The following TBXAS1 variants were observed in gnomAD, a reference collection of about 807,000 sequenced individuals.
The protein encoded by TBXAS1 is thromboxane A synthase 1, also known as thromboxane-A synthase.
A neutral mutation model predicts 60.7 loss-of-function variants in TBXAS1; 48 were observed. The observed-to-expected ratio is 0.79, with a 90% CI of 0.63 to 1.01. The LOEUF is 1.01. TBXAS1 is among the 50% of genes least tolerant of loss of function. TBXAS1 has a pLI of 0.00. For missense variants in TBXAS1, 685 were observed against 686.3 expected (o/e 1.00, Z 0.02); for synonymous variants, 287 against 269.7 (o/e 1.06, Z -0.63).
chr7:139,806,543 A>G (rs1309634061), intron 4 of TBXAS1, among the ~76,000 whole-genome samples: 3 of 152,080 alleles, frequency 2.0e-5, no homozygotes, highest in Non-Finnish European at 4.4e-5. Context: ...GATTGCAGGC[A>G]TGAGCCACCG....
At position 140,013,485 on chromosome 7, in the gene TBXAS1, G is replaced by A. The variant is rs1421963199; in HGVS notation, c.1227-2238G>A. Reference sequence around the variant, plus strand: ...GGTACAAGCTTAAGAGAGCCATGCCGGGATTTCAAGTTGCAAGGAAGAGAG... The same window carrying A: ...GGTACAAGCTTAAGAGAGCCATGCCAGGATTTCAAGTTGCAAGGAAGAGAG... On this transcript the variant is annotated intron_variant, in intron 10 of 12. Coordinates refer to ENST00000448866, the MANE Select transcript of TBXAS1 (RefSeq NM_001061.7). This position sits in a 1 kb window ranked among gnomAD's most constrained non-coding sequence, Gnocchi z 4.2. Among the ~76,000 whole-genome samples, 1 of 152,160 alleles carries A rather than the reference G, an allele frequency of 6.6e-6. No homozygotes were observed.
rs189144425 is a variant in TBXAS1, at chr7:139,934,658, C to T, written c.334-1533C>T. The stretch of plus-strand genomic sequence containing the variant: ...GTCAAGGTGTCAGCAGTGTTGGTTT[C>T]TCCGGAAGCCTCTCTCTTTGGCTTG... On this transcript the variant is annotated intron_variant, in intron 4 of 12. Transcript: ENST00000448866. Among the ~76,000 whole-genome samples the T allele has an allele frequency of 6.2e-3, 949 of 152,254 alleles. 13 individuals are homozygous for T. Among genetic ancestry groups the T allele is most frequent in the South Asian group, 0.039 (187 of 4,824 alleles).
At chr7:139,924,558 C>T (rs1806738390) in intron 4 of TBXAS1, among the ~76,000 whole-genome samples, 1 of 151,634 alleles carries the variant, frequency 6.6e-6, no homozygotes, top group African/African-American at 2.4e-5. Flanking sequence ...GGTTATTATT[C>T]CCTTGCCAGA....
chr7:139,888,503 GT>G (rs972649779), intron 3 of TBXAS1, among the ~76,000 whole-genome samples: 1 of 151,848 alleles, frequency 6.6e-6, no homozygotes, highest in African/African-American at 2.4e-5. Flanking sequence ...TTTCCTCTGG[GT>G]TTTTTTCCCA....
At position 139,885,370 on chromosome 7, in the gene TBXAS1, G is replaced by A. The variant is rs146297164; in HGVS notation, c.236+9733G>A. Among the ~76,000 whole-genome samples the A allele has an allele frequency of 2.7e-3, 417 of 152,242 alleles. 1 individual carries two copies. Among genetic ancestry groups the A allele is most frequent in the Admixed American group, 6.8e-3 (104 of 15,298 alleles). On this transcript the variant is annotated intron_variant, in intron 3 of 12. Transcript: ENST00000448866. Reference sequence around the variant, plus strand: ...AATAAATTCCACATTTAATTGAAGCGTACCTGCAACAAATCCAAGTTGTTC... The same window carrying A: ...AATAAATTCCACATTTAATTGAAGCATACCTGCAACAAATCCAAGTTGTTC...
At chr7:139,894,430 T>A (rs545905476) in intron 3 of TBXAS1, among the ~76,000 whole-genome samples, 2 of 152,154 alleles carry the variant, frequency 1.3e-5, no homozygotes, top group East Asian at 3.9e-4. Flanking sequence ...GGAGCCCTCA[T>A]TAACCCCCTG....
At chr7:139,858,576 A>G (rs1569502632) in intron 1 of TBXAS1, among the ~76,000 whole-genome samples, 1 of 152,210 alleles carries the variant, frequency 6.6e-6, no homozygotes, top group Non-Finnish European at 1.5e-5. Flanking sequence ...TGTAAGTGCC[A>G]CAGAGCAAGG....
At chr7:139,953,756 G>A (rs1480066036) in intron 6 of TBXAS1, among the ~76,000 whole-genome samples, 5 of 152,234 alleles carry the variant, frequency 3.3e-5, no homozygotes, top group African/African-American at 1.2e-4. Context: ...TGGGGGGAAA[G>A]TTCAAGCATT....
chr7:139,987,346 C>G (rs919853185), intron 9 of TBXAS1, among the ~76,000 whole-genome samples: 18 of 152,192 alleles, frequency 1.2e-4, no homozygotes, highest in African/African-American at 3.4e-4. Context: ...GGGTCTATTT[C>G]TATTCCCCCA....
At position 139,791,806 on chromosome 7, in the gene TBXAS1, T is replaced by G. The variant is rs1245815846; in HGVS notation, c.-80+4380T>G. 5.7e-5 allele frequency among the ~76,000 whole-genome samples: 6 copies of G among 105,566 alleles called. No individual in the cohort carries two copies. In the South Asian group the frequency reaches 1.4e-3, roughly 25 times the overall value. 69.3% of individuals were successfully genotyped at this position (105,566 alleles called of 152,430 possible). On this transcript the variant is annotated intron_variant, in intron 4 of 16. Transcript: ENST00000336425. ...TTTCTTTACATATCTTTGGAATGTT[T>G]TGTTTTTTTTTTTTTTTTCATTTCT...
intron 1 of TBXAS1, among the ~76,000 whole-genome samples, chr7:139,866,109 A>C (rs944806744): frequency 5.3e-5 from 8 of 152,222 alleles, no homozygotes; most frequent in Non-Finnish European, 5.9e-5. Context: ...CATTTGGTGC[A>C]AAGGATATAC....
chr7:139,983,616 AT>A (rs1812118122), intron 9 of TBXAS1, among the ~76,000 whole-genome samples: 1 of 152,036 alleles, frequency 6.6e-6, no homozygotes, highest in African/African-American at 2.4e-5. Context: ...TATTTTATAT[AT>A]TTTCTCACCT....
At chr7:139,864,858 A>G (rs1469690381) in intron 1 of TBXAS1, among the ~76,000 whole-genome samples, 1 of 152,132 alleles carries the variant, frequency 6.6e-6, no homozygotes, top group Non-Finnish European at 1.5e-5. Flanking sequence ...TGAGATACCG[A>G]TTCTGTTGAG....
rs1554496760 is a variant in TBXAS1 at position 139,951,950 on chromosome 7, A to AAG, written c.451-1417_451-1416insGA. Among the ~76,000 whole-genome samples the AAG allele has an allele frequency of 5.2e-4, 22 of 42,008 alleles. 1 individual carries two copies. Among genetic ancestry groups the AAG allele is most frequent in the African/African-American group, 6.3e-4 (7 of 11,044 alleles). The allele number at this position is 42,008 out of a possible 152,430, so 27.6% of individuals were successfully genotyped here. A position where few individuals can be genotyped will look rare whatever the true frequency, so the allele number is the denominator to read the frequency against. On this transcript the variant is annotated intron_variant, in intron 5 of 12. Coordinates refer to ENST00000448866, the MANE Select transcript of TBXAS1 (RefSeq NM_001061.7). Reference sequence around the variant, plus strand: ...GAAAGAGAGAAAGAAGGAAAGAAAGAAAAGAAAGAAAGAAAGAAAGAAAGA... The same window carrying AAG: ...GAAAGAGAGAAAGAAGGAAAGAAAGAAGAAAGAAAGAAAGAAAGAAAGAAAGA...
At chr7:139,780,546 G>C (rs568385210) in intron 1 of TBXAS1, among the ~76,000 whole-genome samples, 1 of 152,300 alleles carries the variant, frequency 6.6e-6, no homozygotes, top group African/African-American at 2.4e-5. Flanking sequence ...ATGCTCCCTT[G>C]TGTCCAGCAC....
intron 3 of TBXAS1, among the ~76,000 whole-genome samples, chr7:139,886,944 C>T (rs1399332581): frequency 1.3e-5 from 2 of 152,178 alleles, no homozygotes; most frequent in East Asian, 3.8e-4. Flanking sequence ...GCTCTTTGTC[C>T]TCCTCTGTGT....
intron 1 of TBXAS1, among the ~76,000 whole-genome samples, chr7:139,832,000 G>A (rs868382382): frequency 3.2e-4 from 48 of 152,304 alleles, no homozygotes; most frequent in African/African-American, 9.4e-4. Flanking sequence ...CAGGAGGCAG[G>A]ACTAGACTGC....
intron 4 of TBXAS1, among the ~76,000 whole-genome samples, chr7:139,810,887 C>T (rs1009493836): frequency 2.6e-5 from 4 of 152,274 alleles, no homozygotes; most frequent in Middle Eastern, 3.4e-3. Context: ...CAAATCATAA[C>T]AGAGCTAAAA....
chr7:139,907,183 C>A (rs553903905), intron 3 of TBXAS1, among the ~76,000 whole-genome samples: 1 of 152,222 alleles, frequency 6.6e-6, no homozygotes, highest in African/African-American at 2.4e-5. Flanking sequence ...TTTGTAGATG[C>A]CCTTTATCAA....
Sources: allele counts gnomAD v4.1 joint callset (sites outside exome capture counted in the v4.1 genomes callset), GRCh38; gene constraint gnomAD v4.1.1; non-coding constraint Gnocchi (gnomAD v3.1); transcripts MANE v1.5; gene names NCBI Gene and HGNC (gene_info 2026-07-23, HGNC 2026-07-21).